WDR3: variants seen among roughly 807,000 people sequenced by gnomAD.
WDR3 encodes WD repeat domain 3, also known as WD repeat-containing protein 3.
In WDR3, 81 loss-of-function variants were observed where a neutral mutation model predicts 123.7. The ratio of observed to expected loss-of-function variants is 0.65; its 90% CI spans 0.55 to 0.79. WDR3 has a LOEUF of 0.79. Ranked by LOEUF, WDR3 falls within the 30% of genes least tolerant of loss-of-function variation. The probability of loss-of-function intolerance (pLI) is 0.00; values close to 1 mark genes in which losing one functional copy is unlikely to be tolerated. For missense variants in WDR3, 1,027 were observed against 1,123.2 expected, an observed-to-expected ratio of 0.91 and a Z score of 1.22; for synonymous variants, 390 against 388.8, an observed-to-expected ratio of 1.00 and a Z score of -0.04.
In WDR3 at chr1:117,944,342, T is replaced by G. The variant is rs529490665; in HGVS notation, c.1328+716T>G. ...TTTATTCTCAGTCCTCGCTCCATCT[T>G]TCTTATCTTTATGACGTCTAAGTGT... On this transcript the variant is annotated intron_variant, in intron 11 of 26. Transcript: ENST00000349139. Among the ~76,000 whole-genome samples the G allele has an allele frequency of 7.9e-5, 12 of 152,348 alleles. No individual in the cohort carries two copies. In the South Asian group the frequency reaches 1.9e-3, roughly 24 times the overall value.
chr1:117,955,856 G>T (rs1652123734), intron 24 of WDR3, among the ~76,000 whole-genome samples: 1 of 151,096 alleles, frequency 6.6e-6, no homozygotes, highest in African/African-American at 2.4e-5. Flanking sequence ...ATTATCAGTG[G>T]CTTCACTGAA....
intron 9 of WDR3, 60 bp from the exon 10 acceptor site, chr1:117,942,377 T>G (rs1184269194): frequency 1.3e-6 from 2 of 1,485,650 alleles, no homozygotes; most frequent in African/African-American, 2.8e-5. Context: ...TGAACTCAAG[T>G]AAGAGCAAAG....
chr1:117,953,601 A>G, intron 21 of WDR3, 60 bp downstream of exon 21: 4 of 1,569,586 alleles, frequency 2.5e-6, no homozygotes, highest in Non-Finnish European at 2.6e-6. Flanking sequence ...TTTTAGTAAA[A>G]GTTTTATTCT....
At chr1:117,940,786 C>T (rs771027589) in intron 6 of WDR3, 41 bp from the exon 7 acceptor site, 1 of 1,518,058 alleles carries the variant, frequency 6.6e-7, no homozygotes, top group African/African-American at 1.4e-5. Context: ...CCTCCTGGAA[C>T]ATACTATTTC....
At chr1:117,932,973 T>G (rs994287232) in intron 1 of WDR3, among the ~76,000 whole-genome samples, 5 of 148,652 alleles carry the variant, frequency 3.4e-5, no homozygotes, top group African/African-American at 1.3e-4. Flanking sequence ...GGCGGATGGA[T>G]CACTTGAGGT....
rs1276856974 is a variant in WDR3, at chr1:117,965,574, T to G, written c.*6127T>G. On this transcript the variant is annotated 3_prime_UTR_variant, in exon 27 of 27. Coordinates refer to ENST00000349139, the MANE Select transcript of WDR3 (RefSeq NM_006784.3). ...TTTCCTTCCCCCACCATGTCTTTCA[T>G]TCATGTCCCTCTTTTATGTTGACTG... is the stretch of plus-strand genomic sequence containing the variant. 1.3e-5 allele frequency: 2 copies of G among 152,258 alleles called. No homozygotes were observed. The highest frequency in any genetic ancestry group is 2.9e-5 in the Non-Finnish European group (2 of 68,062). 9.4% of individuals were successfully genotyped at this position (152,258 alleles called of 1,614,324 possible).
At chr1:117,936,398 ATTAC>A (rs1557817262) in intron 3 of WDR3, among the ~76,000 whole-genome samples, 2 of 152,128 alleles carry the variant, frequency 1.3e-5, no homozygotes, top group African/African-American at 4.8e-5. Context: ...AAGTTGTGCT[ATTAC>A]TTTAGAATTG....
rs183054019 is a variant in WDR3, at chr1:117,945,553, T to G, written c.1329-533T>G. On this transcript the variant is annotated intron_variant, in intron 11 of 26. Transcript: ENST00000349139. Reference sequence around the variant, plus strand: ...ACCTAACACCTGATATACCAAATATTTAGATATTTATTATTCCCAAAGAAT... The same window carrying G: ...ACCTAACACCTGATATACCAAATATGTAGATATTTATTATTCCCAAAGAAT... Among the ~76,000 whole-genome samples, 40 of 152,294 alleles carry G rather than the reference T, an allele frequency of 2.6e-4. No homozygotes were observed. The East Asian group carries it at 3.7e-3, about 14-fold the overall frequency.
At chr1:117,943,697 G>A in intron 11 of WDR3, 71 bp downstream of exon 11, 4 of 1,385,556 alleles carry the variant, frequency 2.9e-6, no homozygotes, top group Non-Finnish European at 3.0e-6. Flanking sequence ...TACTCTTAAG[G>A]GTTAGTTATT....
In WDR3 at chr1:117,964,374, A is replaced by G; in HGVS notation, c.*4927A>G. The G allele has an allele frequency of 6.5e-6, 1 of 153,406 alleles. No homozygotes were observed. Among genetic ancestry groups the G allele is most frequent in the East Asian group, 1.9e-4 (1 of 5,256 alleles). 9.5% of individuals were successfully genotyped at this position (153,406 alleles called of 1,614,324 possible). A position where few individuals can be genotyped will look rare whatever the true frequency, so the allele number is the denominator to read the frequency against. ...CTCTAATCTATAAGCAGGGAAATAG[A>G]AAATTTATTATAAATACAAATGATT... On this transcript the variant is annotated 3_prime_UTR_variant, in exon 27 of 27. Transcript: ENST00000349139.
chr1:117,937,225 T>C (rs188722248), intron 4 of WDR3, among the ~76,000 whole-genome samples: 33 of 152,322 alleles, frequency 2.2e-4, no homozygotes, highest in African/African-American at 7.7e-4. Flanking sequence ...AGGGAAGATA[T>C]GAATACCAGG....
At position 117,940,721 on chromosome 1, in the gene WDR3, C is replaced by CTA. The variant is rs148526955; in HGVS notation, c.676-105_676-104insAT. On this transcript the variant is annotated intron_variant, in intron 6 of 26. Coordinates refer to ENST00000349139, the MANE Select transcript of WDR3 (RefSeq NM_006784.3). The stretch of plus-strand genomic sequence containing the variant: ...CCAGCCTGGGCGACAGAGTAAGACT[C>CTA]TGTCTCCGACAACAACAACAACAAC... The CTA allele has an allele frequency of 6.1e-3, 6,307 of 1,034,198 alleles. 217 individuals carry two copies. The African/African-American group carries it at 0.083, about 14-fold the overall frequency. 64.1% of individuals were successfully genotyped at this position (1,034,198 alleles called of 1,614,324 possible). A position where few individuals can be genotyped will look rare whatever the true frequency, so the allele number is the denominator to read the frequency against.
At chr1:117,950,245 A>C in intron 15 of WDR3, 115 bp downstream of exon 15, 1 of 1,248,562 alleles carries the variant, frequency 8.0e-7, no homozygotes, top group Admixed American at 2.4e-5. Flanking sequence ...ACATTTCTAA[A>C]AATGTGTGTG....
Position 117,941,223 on chromosome 1 carries a change from C to G in WDR3, c.889C>G (p.His297Asp). The G allele has an allele frequency of 6.2e-7, 1 of 1,613,954 alleles. No individual in the cohort carries two copies. The highest frequency in any genetic ancestry group is 8.5e-7 in the Non-Finnish European group (1 of 1,179,910). The change falls in exon 8 of 27, where the codon CAT (histidine) becomes GAT (aspartate). Residue 297 changes from histidine to aspartate, a missense_variant and splice_region_variant. Physicochemically the swap from His to Asp is moderately conservative, Grantham distance 81. Coordinates refer to ENST00000349139, the MANE Select transcript of WDR3 (RefSeq NM_006784.3). ...VDKTGRILAC[H>D]GTDSVLELFC... ...CAAGACAGGCAGGATTCTTGCTTGC[C>G]ATGTGAGTACCATACTTAGGAGAAA... is the stretch of plus-strand genomic sequence containing the variant.
intron 13 of WDR3, among the ~76,000 whole-genome samples, chr1:117,949,264 A>G (rs1651516073): frequency 6.6e-6 from 1 of 152,188 alleles, no homozygotes; most frequent in South Asian, 2.1e-4. Flanking sequence ...TTATAAATCT[A>G]TGAGGGACAG....
chr1:117,929,809 G>A (rs977709097), intron 1 of WDR3, 27 bp downstream of exon 1: 4 of 152,482 alleles, frequency 2.6e-5, no homozygotes, highest in African/African-American at 9.6e-5. Context: ...CGTGGTTGGG[G>A]CGGAGAGCAT....
At chr1:117,948,878 A>G (rs1651503396) in intron 13 of WDR3, among the ~76,000 whole-genome samples, 1 of 152,166 alleles carries the variant, frequency 6.6e-6, no homozygotes, top group African/African-American at 2.4e-5. Context: ...TTTAGCAAGT[A>G]TGTCAGCCCT....
intron 4 of WDR3, among the ~76,000 whole-genome samples, chr1:117,937,416 G>A (rs1048621250): frequency 4.6e-5 from 7 of 152,088 alleles, no homozygotes; most frequent in Non-Finnish European, 8.8e-5. Context: ...GGCCACCTAG[G>A]AAAAGCTGGG....
At chr1:117,940,743 C>A in intron 6 of WDR3, 84 bp from the exon 7 acceptor site, 1 of 1,276,176 alleles carries the variant, frequency 7.8e-7, no homozygotes, top group South Asian at 1.4e-5. Flanking sequence ...ACAACAACAA[C>A]AACAACAAAA....
Sources: allele counts gnomAD v4.1 joint callset (sites outside exome capture counted in the v4.1 genomes callset), GRCh38; gene constraint gnomAD v4.1.1; transcripts MANE v1.5; gene names NCBI Gene and HGNC (gene_info 2026-07-23, HGNC 2026-07-21).